Variants in SLC24A3 observed in about 807,000 individuals in gnomAD.
SLC24A3 encodes the protein solute carrier family 24 member 3, also known as sodium/potassium/calcium exchanger 3.
In SLC24A3, 28 loss-of-function variants were observed where a neutral mutation model predicts 75.8. The ratio of observed to expected loss-of-function variants is 0.37; its 90% CI spans 0.27 to 0.51. The LOEUF (loss-of-function observed/expected upper bound fraction) is 0.51, where lower values mean the gene tolerates loss of function less well. Ranked by LOEUF, SLC24A3 falls within the 20% of genes least tolerant of loss-of-function variation. SLC24A3 has a pLI of 0.94. For missense variants in SLC24A3, 663 were observed against 847.8 expected, an observed-to-expected ratio of 0.78 and a Z score of 2.71; for synonymous variants, 372 against 334.1, an observed-to-expected ratio of 1.11 and a Z score of -1.24.
At position 19,251,286 on chromosome 20, in the gene SLC24A3, A is replaced by T. The variant is rs563493556; in HGVS notation, c.143-29673A>T. On this transcript the variant is annotated intron_variant, in intron 1 of 16. Transcript: ENST00000328041. ...CCCTCCCTCATACTGGCATTTTCTT[A>T]TGCCCTCTATTTCTACATTAGGGAT... Among the ~76,000 whole-genome samples the T allele has an allele frequency of 1.2e-4, 18 of 152,322 alleles. No homozygotes were observed. In the South Asian group the frequency reaches 3.7e-3, roughly 32 times the overall value.
At chr20:19,484,595 G>A (rs1356531942) in intron 2 of SLC24A3, among the ~76,000 whole-genome samples, 3 of 152,170 alleles carry the variant, frequency 2.0e-5, no homozygotes, top group Non-Finnish European at 4.4e-5. Context: ...TCACAAAAAG[G>A]CAAATGCTAT....
chr20:19,580,944 G>A (rs1568662391), intron 4 of SLC24A3, among the ~76,000 whole-genome samples: 1 of 152,110 alleles, frequency 6.6e-6, no homozygotes, highest in Non-Finnish European at 1.5e-5. Context: ...AGTGGGAGGG[G>A]GTAGAATTTG....
At chr20:19,629,440 C>T (rs1201035874) in intron 6 of SLC24A3, among the ~76,000 whole-genome samples, 1 of 152,052 alleles carries the variant, frequency 6.6e-6, no homozygotes, top group Non-Finnish European at 1.5e-5. Flanking sequence ...CCAATGTACA[C>T]ATCATGGGAG....
chr20:19,267,515 C>A (rs920800596), intron 1 of SLC24A3, among the ~76,000 whole-genome samples: 4 of 152,060 alleles, frequency 2.6e-5, no homozygotes, highest in Non-Finnish European at 4.4e-5. Flanking sequence ...TATAAAAATC[C>A]ATTTTTTTAA....
intron 4 of SLC24A3, among the ~76,000 whole-genome samples, chr20:19,584,234 C>T (rs2031261914): frequency 6.6e-6 from 1 of 152,190 alleles, no homozygotes; most frequent in South Asian, 2.1e-4. Context: ...ATTGTATAAA[C>T]CCCGTCTTGG....
chr20:19,708,397 G>A (rs1462496128), intron 15 of SLC24A3, among the ~76,000 whole-genome samples: 2 of 152,176 alleles, frequency 1.3e-5, no homozygotes, highest in Non-Finnish European at 2.9e-5. Flanking sequence ...TGTCTCCCAC[G>A]TCTTTCATTC....
chr20:19,350,203 A>G (rs1236332512), intron 2 of SLC24A3, among the ~76,000 whole-genome samples: 1 of 152,186 alleles, frequency 6.6e-6, no homozygotes, highest in African/African-American at 2.4e-5. Flanking sequence ...TAACTTTTTT[A>G]TGTGATATTT....
intron 2 of SLC24A3, among the ~76,000 whole-genome samples, chr20:19,412,624 A>C (rs553427345): frequency 6.7e-6 from 1 of 148,622 alleles, no homozygotes; most frequent in Non-Finnish European, 1.5e-5. Flanking sequence ...GAGGAGGAGG[A>C]GGAGGAGGGG....
chr20:19,490,111 G>T (rs1437855973), intron 2 of SLC24A3, among the ~76,000 whole-genome samples: 9 of 152,156 alleles, frequency 5.9e-5, no homozygotes, highest in Admixed American at 4.6e-4. Flanking sequence ...TTGATGGCCA[G>T]ATTGGCCATC....
chr20:19,241,144 CA>C (rs1462846163), intron 1 of SLC24A3, among the ~76,000 whole-genome samples: 1 of 152,200 alleles, frequency 6.6e-6, no homozygotes, highest in Non-Finnish European at 1.5e-5. Context: ...CAACCATGTC[CA>C]AAAAGACCAT....
At chr20:19,545,977 T>C (rs1450547551) in intron 3 of SLC24A3, among the ~76,000 whole-genome samples, 1 of 151,068 alleles carries the variant, frequency 6.6e-6, no homozygotes. Context: ...GACTAACACG[T>C]TGAAACCCCA....
chr20:19,564,647 C>T (rs1017323967), intron 3 of SLC24A3, among the ~76,000 whole-genome samples: 1 of 152,162 alleles, frequency 6.6e-6, no homozygotes, highest in Admixed American at 6.5e-5. Context: ...TGAACTTTAC[C>T]TGTTCCTCCA....
intron 6 of SLC24A3, among the ~76,000 whole-genome samples, chr20:19,648,874 A>C (rs1476677913): frequency 6.6e-6 from 1 of 152,240 alleles, no homozygotes; most frequent in Non-Finnish European, 1.5e-5. Flanking sequence ...TATCAAGATG[A>C]AATTCCAGCT....
chr20:19,692,917 C>T (rs1347982517), intron 12 of SLC24A3, among the ~76,000 whole-genome samples: 1 of 152,064 alleles, frequency 6.6e-6, no homozygotes, highest in African/African-American at 2.4e-5. Context: ...ACACACATTC[C>T]ACCTCTTTTT....
At chr20:19,564,094 C>T (rs367706634) in intron 3 of SLC24A3, among the ~76,000 whole-genome samples, 9 of 152,166 alleles carry the variant, frequency 5.9e-5, no homozygotes, top group South Asian at 2.1e-4. Flanking sequence ...AGGAAGATCC[C>T]AGTATTGGCA....
chr20:19,339,632 C>A (rs1261857792), intron 2 of SLC24A3, among the ~76,000 whole-genome samples: 10 of 152,180 alleles, frequency 6.6e-5, no homozygotes, highest in Non-Finnish European at 4.4e-5. Context: ...CCCGATCTAC[C>A]TGCTGGGGAA....
At chr20:19,385,656 T>G in intron 2 of SLC24A3, among the ~76,000 whole-genome samples, 1 of 152,046 alleles carries the variant, frequency 6.6e-6, no homozygotes, top group Non-Finnish European at 1.5e-5. Context: ...TTTTTTTTTT[T>G]TCTGAGACAG....
intron 2 of SLC24A3, among the ~76,000 whole-genome samples, chr20:19,405,244 T>G (rs962463286): frequency 6.6e-6 from 1 of 152,126 alleles, no homozygotes; most frequent in Non-Finnish European, 1.5e-5. Context: ...TGCAGTGGCT[T>G]GAGTGAGAGG....
chr20:19,427,611 C>T (rs1381608651), intron 2 of SLC24A3, among the ~76,000 whole-genome samples: 1 of 152,236 alleles, frequency 6.6e-6, no homozygotes, highest in Non-Finnish European at 1.5e-5. Flanking sequence ...AAACAAGCTG[C>T]TATCGGGAAC....
Sources: gnomAD v4.1 joint callset for allele counts (sites outside exome capture counted in the v4.1 genomes callset) on GRCh38, gnomAD v4.1.1 for gene constraint, MANE v1.5 for transcripts, NCBI Gene and HGNC (gene_info 2026-07-23, HGNC 2026-07-21) for gene names.